The following ARHGAP24 variants were observed in gnomAD, a reference collection of about 807,000 sequenced individuals.
The protein encoded by ARHGAP24 is Rho GTPase activating protein 24.
Under a neutral mutation model 76.4 loss-of-function variants are expected in ARHGAP24, and 50 were observed. The ratio of observed to expected loss-of-function variants is 0.65; its 90% CI spans 0.52 to 0.83. ARHGAP24 has a LOEUF of 0.83. Ranked by LOEUF, ARHGAP24 falls within the 40% of genes least tolerant of loss-of-function variation. The pLI is 0.00. For missense variants in ARHGAP24, 930 were observed against 914.2 expected (o/e 1.02, Z -0.22); for synonymous variants, 345 against 323.3 (o/e 1.07, Z -0.72).
chr4:85,814,496 C>G (rs146710745), intron 3 of ARHGAP24, among the ~76,000 whole-genome samples: 2 of 152,202 alleles, frequency 1.3e-5, no homozygotes, highest in Non-Finnish European at 2.9e-5. Flanking sequence ...CTACAGAGTA[C>G]CCCATGCAAG....
At chr4:85,561,876 G>A (rs1726614698) in intron 1 of ARHGAP24, among the ~76,000 whole-genome samples, 1 of 152,110 alleles carries the variant, frequency 6.6e-6, no homozygotes, top group African/African-American at 2.4e-5. Flanking sequence ...AATACAAAAG[G>A]GATTCTCGTG....
At chr4:85,778,432 G>GTTGTGAAACTTCA (rs1186400335) in intron 3 of ARHGAP24, among the ~76,000 whole-genome samples, 5 of 152,142 alleles carry the variant, frequency 3.3e-5, no homozygotes, top group African/African-American at 1.2e-4. Flanking sequence ...AAGCATTGAA[G>GTTGTGAAACTTCA]CAGGAGTTGT....
At chr4:85,538,010 A>C (rs1725537587) in intron 1 of ARHGAP24, among the ~76,000 whole-genome samples, 1 of 149,028 alleles carries the variant, frequency 6.7e-6, no homozygotes. Flanking sequence ...TTAGTGAACA[A>C]ATTTAGCAAT....
At chr4:85,754,955 C>T (rs1255171002) in intron 3 of ARHGAP24, among the ~76,000 whole-genome samples, 2 of 152,166 alleles carry the variant, frequency 1.3e-5, no homozygotes, top group African/African-American at 2.4e-5. Flanking sequence ...TTAGGCGAAG[C>T]GTGTGAAGGA....
At position 85,778,666 on chromosome 4, in the gene ARHGAP24, AG is replaced by A. The variant is rs1006066270; in HGVS notation, c.268+56696del. The A allele has an allele frequency of 1.6e-5, 16 of 983,468 alleles. No individual in the cohort carries two copies. The African/African-American group carries it at 2.6e-4, about 16-fold the overall frequency. 60.9% of individuals were successfully genotyped at this position (983,468 alleles called of 1,614,324 possible). A position where few individuals can be genotyped will look rare whatever the true frequency, so the allele number is the denominator to read the frequency against. ...CATTATTTAAGGTATATTTCCTTGTAGGTTTTTTTTCCCCTCTCTGTCTCTT... is the reference window on the plus strand; with the variant it reads ...CATTATTTAAGGTATATTTCCTTGTAGTTTTTTTTCCCCTCTCTGTCTCTT... On this transcript the variant is annotated intron_variant, in intron 3 of 9. Coordinates refer to ENST00000395184, the MANE Select transcript of ARHGAP24 (RefSeq NM_001025616.3).
intron 3 of ARHGAP24, among the ~76,000 whole-genome samples, chr4:85,870,749 T>G (rs1732481644): frequency 6.6e-6 from 1 of 152,150 alleles, no homozygotes; most frequent in Non-Finnish European, 1.5e-5. Context: ...GAATGAGGGT[T>G]GTAGGTTCCT....
chr4:85,555,102 A>G (rs1313107811), intron 1 of ARHGAP24, among the ~76,000 whole-genome samples: 1 of 152,194 alleles, frequency 6.6e-6, no homozygotes, highest in South Asian at 2.1e-4. Flanking sequence ...GTTCCTATCC[A>G]TATTCTGATT....
intron 2 of ARHGAP24, among the ~76,000 whole-genome samples, chr4:85,660,150 T>C (rs1436602023): frequency 6.6e-6 from 1 of 152,220 alleles, no homozygotes; most frequent in African/African-American, 2.4e-5. Flanking sequence ...AATTAACTTT[T>C]AAGTTATGAC....
intron 3 of ARHGAP24, among the ~76,000 whole-genome samples, chr4:85,890,144 G>A (rs566875737): frequency 1.4e-3 from 219 of 152,194 alleles, no homozygotes; most frequent in Middle Eastern, 3.4e-3. Flanking sequence ...GACAATCAGC[G>A]CCTTTCCTCT....
chr4:85,818,922 T>C (rs75544922), intron 3 of ARHGAP24, among the ~76,000 whole-genome samples: 2,304 of 152,256 alleles, frequency 0.015, 62 homozygotes, highest in African/African-American at 0.053. Flanking sequence ...TCTCCCAAGA[T>C]GTCACAGCAA....
intron 3 of ARHGAP24, among the ~76,000 whole-genome samples, chr4:85,795,055 A>G (rs1728289014): frequency 1.3e-5 from 2 of 152,206 alleles, no homozygotes; most frequent in South Asian, 4.1e-4. Flanking sequence ...TTCGTAGATA[A>G]TCTCCAGTGC....
intron 3 of ARHGAP24, among the ~76,000 whole-genome samples, chr4:85,760,062 AAG>A (rs869095773): frequency 9.2e-4 from 97 of 105,344 alleles, no homozygotes; most frequent in Non-Finnish European, 1.4e-3. Flanking sequence ...ATTTCTTCTG[AAG>A]AAAAAAAATC....
At chr4:85,496,664 T>A (rs373360201) in intron 1 of ARHGAP24, among the ~76,000 whole-genome samples, 38 of 152,000 alleles carry the variant, frequency 2.5e-4, no homozygotes, top group Admixed American at 1.0e-3. Context: ...TGTAGCAAGC[T>A]CCCGGGTATA....
chr4:85,638,075 T>G (rs1258331508), intron 2 of ARHGAP24, among the ~76,000 whole-genome samples: 2 of 152,098 alleles, frequency 1.3e-5, no homozygotes, highest in Non-Finnish European at 2.9e-5. Context: ...GCCAGGAATA[T>G]GGCAAAGCCT....
chr4:85,736,881 A>G (rs1327150787), intron 3 of ARHGAP24, among the ~76,000 whole-genome samples: 1 of 152,226 alleles, frequency 6.6e-6, no homozygotes, highest in African/African-American at 2.4e-5. Flanking sequence ...GTAAATTAGT[A>G]TAAACTATCC....
intron 3 of ARHGAP24, among the ~76,000 whole-genome samples, chr4:85,740,246 G>T (rs343852): frequency 0.7 from 104,148 of 148,884 alleles, 37,919 homozygotes; most frequent in Non-Finnish European, 0.82. Flanking sequence ...TTTAGACGGA[G>T]TGTTCCTCTG....
At chr4:85,618,315 C>A (rs1473645066) in intron 2 of ARHGAP24, among the ~76,000 whole-genome samples, 1 of 152,110 alleles carries the variant, frequency 6.6e-6, no homozygotes, top group Non-Finnish European at 1.5e-5. Flanking sequence ...TACATTAGTT[C>A]TCTCTTTTTA....
chr4:85,956,686 G>C (rs1578430629), intron 5 of ARHGAP24, among the ~76,000 whole-genome samples: 1 of 152,212 alleles, frequency 6.6e-6, no homozygotes. Flanking sequence ...CCCACTTAGC[G>C]ATGCAGAACA....
chr4:85,972,471 G>C, intron 6 of ARHGAP24: 1 of 380,114 alleles, frequency 2.6e-6, no homozygotes, highest in Non-Finnish European at 4.9e-6. Context: ...AGTGACTGCT[G>C]TGTCTCATAA....
Sources: gnomAD v4.1 joint callset for allele counts (sites outside exome capture counted in the v4.1 genomes callset) on GRCh38, gnomAD v4.1.1 for gene constraint, MANE v1.5 for transcripts, NCBI Gene and HGNC (gene_info 2026-07-23, HGNC 2026-07-21) for gene names.